RALGAPA1: variants seen among roughly 807,000 people sequenced by gnomAD.
The protein encoded by RALGAPA1 is Ral GTPase activating protein catalytic subunit alpha 1.
A neutral mutation model predicts 269.6 loss-of-function variants in RALGAPA1; 52 were observed. The observed-to-expected ratio is 0.19, with a 90% CI of 0.15 to 0.24. RALGAPA1 has a LOEUF of 0.24. Ranked by LOEUF, RALGAPA1 falls within the 10% of genes least tolerant of loss-of-function variation. The pLI is 1.00. For missense variants in RALGAPA1, 1,917 were observed against 3,013.9 expected, an observed-to-expected ratio of 0.64 and a Z score of 8.52; for synonymous variants, 817 against 1,008.3, an observed-to-expected ratio of 0.81 and a Z score of 3.60.
intron 10 of RALGAPA1, among the ~76,000 whole-genome samples, chr14:35,745,717 T>G (rs2141199479): frequency 7.7e-6 from 1 of 130,122 alleles, no homozygotes; most frequent in Non-Finnish European, 1.5e-5. Flanking sequence ...TGAGCCGAGA[T>G]AGTGCCACTG....
At chr14:35,794,479 T>A (rs553291054) in intron 1 of RALGAPA1, among the ~76,000 whole-genome samples, 1 of 152,320 alleles carries the variant, frequency 6.6e-6, no homozygotes, top group Non-Finnish European at 1.5e-5. Context: ...TGTTTTGAGA[T>A]GGAGTCTCCC....
At chr14:35,654,529 A>G (rs2063048030) in intron 29 of RALGAPA1, 52 bp from the exon 30 acceptor site, 1 of 1,534,950 alleles carries the variant, frequency 6.5e-7, no homozygotes, top group African/African-American at 1.4e-5. Context: ...ACTTTTCATC[A>G]ATGTATTATC....
intron 33 of RALGAPA1, among the ~76,000 whole-genome samples, chr14:35,629,068 T>C (rs1260612061): frequency 6.6e-6 from 1 of 152,038 alleles, no homozygotes; most frequent in Non-Finnish European, 1.5e-5. Context: ...AGACAATAAT[T>C]TGTCAAAGCC....
In RALGAPA1 at chr14:35,801,418, G is replaced by A. The variant is rs532472264; in HGVS notation, c.106+7312C>T. Among the ~76,000 whole-genome samples, 491 of 152,062 alleles carry A rather than the reference G, an allele frequency of 3.2e-3. 5 individuals carry two copies. Among genetic ancestry groups the A allele is most frequent in the African/African-American group, 0.011 (476 of 41,482 alleles). On this transcript the variant is annotated intron_variant, in intron 1 of 41. Transcript: ENST00000680220. ...CTAGTAGCTGGGACTACAAGCATGC[G>A]CCACAAGGTCCAGCTACTTTTGTAT...
chr14:35,667,578 A>AC (rs1555396231), intron 26 of RALGAPA1, among the ~76,000 whole-genome samples: 3 of 152,266 alleles, frequency 2.0e-5, no homozygotes, highest in African/African-American at 7.2e-5. Flanking sequence ...TAGGTCCAGG[A>AC]TGGGGTCTGA....
chr14:35,565,594 C>T (rs1357529741), intron 39 of RALGAPA1, among the ~76,000 whole-genome samples: 3 of 152,080 alleles, frequency 2.0e-5, no homozygotes, highest in East Asian at 3.8e-4. Flanking sequence ...CTACAGATTT[C>T]GAACTTGCCA....
rs2062183226 is a variant in RALGAPA1 at position 35,643,636 on chromosome 14, G to A, written c.5677-8038C>T. Among the ~76,000 whole-genome samples, 3 of 152,194 alleles carry A rather than the reference G, an allele frequency of 2.0e-5. No individual in the cohort carries two copies. The South Asian group carries it at 6.2e-4, about 32-fold the overall frequency. ...TAGCCAAAATTTGGGACCAACCTAA[G>A]TGTCCATCAACAGATGAATGGATAA... On this transcript the variant is annotated intron_variant, in intron 31 of 41. Transcript: ENST00000680220.
In RALGAPA1 at chr14:35,615,021, C is replaced by A. The variant is rs187573254; in HGVS notation, c.6930-9312G>T. Among the ~76,000 whole-genome samples the A allele has an allele frequency of 1.1e-3, 155 of 140,588 alleles. 1 individual carries two copies. The highest frequency in any genetic ancestry group is 2.1e-4 in the Non-Finnish European group (14 of 67,782). 92.2% of individuals were successfully genotyped at this position (140,588 alleles called of 152,430 possible). The stretch of plus-strand genomic sequence containing the variant: ...GTCAATTAATCTTTCACTACTCCTT[C>A]TTATTTTTCTCCTTACTAACTATGG... On this transcript the variant is annotated intron_variant, in intron 35 of 41. Coordinates refer to ENST00000680220, the MANE Select transcript of RALGAPA1 (RefSeq NM_001346249.2).
At chr14:35,666,148 C>T (rs2063912165) in intron 26 of RALGAPA1, among the ~76,000 whole-genome samples, 1 of 151,992 alleles carries the variant, frequency 6.6e-6, no homozygotes, top group Admixed American at 6.6e-5. Context: ...TCTCAGACTC[C>T]TGAGTAGCTG....
chr14:35,569,741 G>A (rs1026776860), intron 39 of RALGAPA1, among the ~76,000 whole-genome samples: 13 of 152,084 alleles, frequency 8.5e-5, no homozygotes, highest in Admixed American at 6.5e-5. Context: ...TGTTTCAGAA[G>A]TGTTTCCTGA....
intron 31 of RALGAPA1, among the ~76,000 whole-genome samples, chr14:35,641,513 A>G (rs182193448): frequency 3.6e-4 from 55 of 152,344 alleles, no homozygotes; most frequent in African/African-American, 1.3e-3. Context: ...CTACAAATGA[A>G]ATTAAATAGT....
intron 36 of RALGAPA1, 74 bp downstream of exon 36, chr14:35,605,512 A>G (rs1353899672): frequency 7.0e-7 from 1 of 1,430,326 alleles, no homozygotes; most frequent in African/African-American, 1.5e-5. Context: ...TACTTCTATA[A>G]TAAGCTAGGA....
chr14:35,662,940 G>C (rs561963554), intron 27 of RALGAPA1, among the ~76,000 whole-genome samples: 1 of 141,878 alleles, frequency 7.0e-6, no homozygotes, highest in Admixed American at 7.1e-5. Flanking sequence ...CCTTTTTTGG[G>C]GGGGGGGTGG....
At chr14:35,740,769 C>T (rs2071476268) in intron 11 of RALGAPA1, among the ~76,000 whole-genome samples, 1 of 152,134 alleles carries the variant, frequency 6.6e-6, no homozygotes, top group African/African-American at 2.4e-5. Flanking sequence ...GCTCATGCCA[C>T]TGCATTCCAA....
chr14:35,680,494 GCCA>G (rs1225993156), intron 21 of RALGAPA1, among the ~76,000 whole-genome samples: 1 of 152,092 alleles, frequency 6.6e-6, no homozygotes, highest in East Asian at 1.9e-4. Flanking sequence ...ACAGGCATGA[GCCA>G]CCACACCAAG....
At chr14:35,574,028 T>C (rs1230652070) in intron 37 of RALGAPA1, among the ~76,000 whole-genome samples, 1 of 152,212 alleles carries the variant, frequency 6.6e-6, no homozygotes, top group African/African-American at 2.4e-5. Context: ...CCAGATCTAA[T>C]ACTAAGCTCC....
At chr14:35,790,018 C>A (rs962317974) in intron 1 of RALGAPA1, among the ~76,000 whole-genome samples, 3 of 152,042 alleles carry the variant, frequency 2.0e-5, no homozygotes, top group African/African-American at 7.2e-5. Flanking sequence ...CTTTGGGAGG[C>A]CAAGGAGGTG....
chr14:35,591,193 C>G (rs1258257578), intron 37 of RALGAPA1, among the ~76,000 whole-genome samples: 1 of 152,042 alleles, frequency 6.6e-6, no homozygotes, highest in Non-Finnish European at 1.5e-5. Context: ...CTTACAGATT[C>G]TAAGGTAGCA....
intron 31 of RALGAPA1, among the ~76,000 whole-genome samples, chr14:35,648,557 C>T (rs571763449): frequency 2.0e-5 from 3 of 151,878 alleles, no homozygotes; most frequent in Non-Finnish European, 4.4e-5. Context: ...CCAAGGCGGG[C>T]GGTTCACTTC....
Sources: allele counts gnomAD v4.1 joint callset (sites outside exome capture counted in the v4.1 genomes callset), GRCh38; gene constraint gnomAD v4.1.1; transcripts MANE v1.5; gene names NCBI Gene and HGNC (gene_info 2026-07-23, HGNC 2026-07-21).